ZSWIM4: variants seen among roughly 807,000 people sequenced by gnomAD.
ZSWIM4 encodes zinc finger SWIM domain-containing protein 4.
In ZSWIM4, 62 loss-of-function variants were observed where a neutral mutation model predicts 102.5. The ratio of observed to expected loss-of-function variants is 0.60; its 90% confidence interval spans 0.49 to 0.75. ZSWIM4 has a LOEUF of 0.75. Ranked by LOEUF, ZSWIM4 falls within the 30% of genes least tolerant of loss-of-function variation. The pLI is 0.00. For synonymous variants in ZSWIM4, 652 were observed against 674.5 expected, an observed-to-expected ratio of 0.97 and a Z score of 0.52; for missense variants, 1,280 against 1,529.6, an observed-to-expected ratio of 0.84 and a Z score of 2.72.
In ZSWIM4 at chr19:13,817,270, A is replaced by C. The variant is rs1599604198; in HGVS notation, c.1586A>C (p.His529Pro). The change falls in exon 8 of 14, where the codon CAC (histidine) becomes CCC (proline). Residue 529 changes from histidine (H) to proline (P), a missense_variant. His to Pro is a moderately conservative substitution (Grantham distance 77, BLOSUM62 -2). Coordinates refer to ENST00000590508, the MANE Select transcript of ZSWIM4 (RefSeq NM_001367834.3). Reference protein sequence around the residue: ...CITNTEGWVGHPLDPIGCLCR... With the variant: ...CITNTEGWVGPPLDPIGCLCR... ...ACCAACACCGAAGGATGGGTGGGGC[A>C]CCCCCTGGACCCCATTGGCTGCCTC... The C allele has an allele frequency of 1.9e-6, 3 of 1,613,686 alleles. No homozygotes were observed. The highest frequency in any genetic ancestry group is 2.5e-6 in the Non-Finnish European group (3 of 1,179,808).
At chr19:13,821,677 G>A (rs1405086516) in intron 10 of ZSWIM4, among the ~76,000 whole-genome samples, 1 of 152,058 alleles carries the variant, frequency 6.6e-6, no homozygotes, top group Non-Finnish European at 1.5e-5. Flanking sequence ...CTCCCACCAA[G>A]TAACTGGGAC....
In ZSWIM4 at chr19:13,830,894, C is replaced by T. The variant is rs1453053100; in HGVS notation, c.3165C>T (p.His1055=). 6.2e-7 allele frequency: 1 copy of T among 1,614,228 alleles called. No homozygotes were observed. Among genetic ancestry groups the T allele is most frequent in the South Asian group, 1.1e-5 (1 of 91,088 alleles). Residue 1055 remains histidine, a synonymous_variant, in exon 14 of 14, where the codon CAC becomes CAT. Transcript: ENST00000590508. ...HSRLTHISPR[H]YGDFIEFLGK... ...GCCTCACGCACATCAGCCCGCGGCA[C>T]TATGGGGATTTCATCGAATTCCTGG...
rs3745455 is a variant in ZSWIM4, at chr19:13,809,063, G to C, written c.862-7G>C. ...AGCCCTTCCTCACCACCCTGTCCCC[G>C]GCACAGGTGCGGGAGATGCTGCGAA... On this transcript the variant is annotated splice_polypyrimidine_tract_variant and splice_region_variant and intron_variant, in intron 4 of 13. Transcript: ENST00000590508. This position sits in a 1 kb window ranked among gnomAD's most constrained non-coding sequence, Gnocchi z 4.2. 1 of 1,611,394 alleles carries C rather than the reference G, an allele frequency of 6.2e-7. No homozygotes were observed. Among genetic ancestry groups the C allele is most frequent in the Non-Finnish European group, 8.5e-7 (1 of 1,178,186 alleles).
chr19:13,809,149 C>T lies in ZSWIM4; in HGVS notation c.941C>T (p.Thr314Met). Residue 314 changes from threonine to methionine, a missense_variant, in exon 5 of 14, where the codon ACG (threonine) becomes ATG (methionine). Physicochemically the swap from Thr to Met is moderately conservative, Grantham distance 81 (BLOSUM62 -1). Transcript: ENST00000590508. The surrounding 1 kb of genome is among the most constrained non-coding windows in gnomAD (Gnocchi z 4.2). ...ILMTEQFLQD[T>M]RLALWRQQGA... Reference sequence around the variant, plus strand: ...ATGACCGAGCAGTTCCTGCAGGACACGCGCCTGGCCCTGTGGCGGCAGCAG... The same window carrying T: ...ATGACCGAGCAGTTCCTGCAGGACATGCGCCTGGCCCTGTGGCGGCAGCAG... 3 of 1,613,666 alleles carry T rather than the reference C, an allele frequency of 1.9e-6. No homozygotes were observed. The highest frequency in any genetic ancestry group is 1.7e-5 in the Admixed American group (1 of 60,006).
Position 13,795,874 on chromosome 19 carries a change from A to T in ZSWIM4, c.153+73A>T, listed in dbSNP as rs888594120. ...TTCCCCACCTGTCTTCTCCTCCCCCACAATCCCCAGACTCCAGAGCTAACC... is the reference window on the plus strand; with the variant it reads ...TTCCCCACCTGTCTTCTCCTCCCCCTCAATCCCCAGACTCCAGAGCTAACC... On this transcript the variant is annotated intron_variant, in intron 1 of 13. Coordinates refer to ENST00000590508, the MANE Select transcript of ZSWIM4 (RefSeq NM_001367834.3). 22 of 880,844 alleles carry T rather than the reference A, an allele frequency of 2.5e-5. No individual in the cohort carries two copies. The African/African-American group carries it at 7.2e-4, about 29-fold the overall frequency. The allele number at this position is 880,844 out of a possible 1,614,324, so 54.6% of individuals were successfully genotyped here.
In ZSWIM4 at chr19:13,825,719, G is replaced by A. The variant is rs1468135426; in HGVS notation, c.2379+6G>A. ...CACTGGAGCTGGGGCTGCAGGTGAG[G>A]GCTGCCAGGTGGATGCGGGAGGGCG... On this transcript the variant is annotated splice_donor_region_variant and intron_variant, in intron 12 of 13. Coordinates refer to ENST00000590508, the MANE Select transcript of ZSWIM4 (RefSeq NM_001367834.3). This position sits in a 1 kb window ranked among gnomAD's most constrained non-coding sequence, Gnocchi z 4.6. 1.2e-6 allele frequency: 2 copies of A among 1,605,246 alleles called. No homozygotes were observed. Among genetic ancestry groups the A allele is most frequent in the Admixed American group, 1.7e-5 (1 of 59,840 alleles).
At chr19:13,803,961 A>C (rs1397253076) in intron 2 of ZSWIM4, among the ~76,000 whole-genome samples, 1 of 150,526 alleles carries the variant, frequency 6.6e-6, no homozygotes, top group African/African-American at 2.4e-5. Context: ...TCCCGGGTTC[A>C]AGCCATTCTC....
At chr19:13,805,884 T>C (rs1325531000) in intron 3 of ZSWIM4, among the ~76,000 whole-genome samples, 1 of 148,308 alleles carries the variant, frequency 6.7e-6, no homozygotes, top group Non-Finnish European at 1.5e-5. Flanking sequence ...GGTGGGAGAA[T>C]GGGTTGAACC....
At chr19:13,811,427 G>A (rs983968774) in intron 5 of ZSWIM4, among the ~76,000 whole-genome samples, 1 of 152,052 alleles carries the variant, frequency 6.6e-6, no homozygotes. Context: ...CACTTTGCGG[G>A]GCTGAGGTAG....
intron 5 of ZSWIM4, among the ~76,000 whole-genome samples, chr19:13,810,521 G>T (rs1020211904): frequency 6.6e-6 from 1 of 151,888 alleles, no homozygotes; most frequent in Non-Finnish European, 1.5e-5. Context: ...TCGAACTCCT[G>T]TCTTCGTGAT....
Position 13,831,749 on chromosome 19 carries a change from C to G in ZSWIM4, c.*699C>G, listed in dbSNP as rs1975773358. ...GCGAGGCTCACACTGCCCCTTCCAA[C>G]CTGGGGTTGGGGGACACAGACGCGA... On this transcript the variant is annotated 3_prime_UTR_variant, in exon 14 of 14. Coordinates refer to ENST00000590508, the MANE Select transcript of ZSWIM4 (RefSeq NM_001367834.3). 1 of 152,598 alleles carries G rather than the reference C, an allele frequency of 6.6e-6. No individual in the cohort carries two copies. The highest frequency in any genetic ancestry group is 1.5e-5 in the Non-Finnish European group (1 of 68,048). 9.5% of individuals were successfully genotyped at this position (152,598 alleles called of 1,614,324 possible).
intron 1 of ZSWIM4, among the ~76,000 whole-genome samples, chr19:13,796,294 GC>G (rs1341057297): frequency 6.6e-6 from 1 of 151,102 alleles, no homozygotes; most frequent in East Asian, 2.0e-4. Flanking sequence ...CCTCTCTTCG[GC>G]CCCCCGCTTG....
Position 13,832,127 on chromosome 19 carries a change from T to G in ZSWIM4, c.*1077T>G, listed in dbSNP as rs1224072707. ...AACGGTGTATTACATGTCCTTTTCC[T>G]TTTTTTTTTTCAAAGATTGAACAGA... On this transcript the variant is annotated 3_prime_UTR_variant, in exon 14 of 14. Transcript: ENST00000590508. 1 of 139,918 alleles carries G rather than the reference T, an allele frequency of 7.1e-6. No homozygotes were observed. Among genetic ancestry groups the G allele is most frequent in the Non-Finnish European group, 1.6e-5 (1 of 64,096 alleles). 8.7% of individuals were successfully genotyped at this position (139,918 alleles called of 1,614,324 possible).
chr19:13,804,526 A>G (rs1427225186), intron 2 of ZSWIM4, among the ~76,000 whole-genome samples: 1 of 152,018 alleles, frequency 6.6e-6, no homozygotes, highest in Non-Finnish European at 1.5e-5. Context: ...GTGTGCCTGT[A>G]ATCCCAGTTA....
intron 1 of ZSWIM4, among the ~76,000 whole-genome samples, chr19:13,796,391 G>C (rs1974613628): frequency 6.6e-6 from 1 of 151,944 alleles, no homozygotes; most frequent in African/African-American, 2.4e-5. Context: ...TACACCCCAA[G>C]TAAATAACTC....
rs756828111 is a variant in ZSWIM4 at position 13,804,784 on chromosome 19, G to T, written c.356-8G>T. ...GACACGGATGCGACAGTTTGGCTTTGATCCTAGGATTCCACCTGAGCGGAA... is the reference window on the plus strand; with the variant it reads ...GACACGGATGCGACAGTTTGGCTTTTATCCTAGGATTCCACCTGAGCGGAA... On this transcript the variant is annotated splice_polypyrimidine_tract_variant and splice_region_variant and intron_variant, in intron 2 of 13. Coordinates refer to ENST00000590508, the MANE Select transcript of ZSWIM4 (RefSeq NM_001367834.3). The T allele has an allele frequency of 1.9e-6, 3 of 1,565,408 alleles. No homozygotes were observed. The South Asian group carries it at 3.6e-5, about 19-fold the overall frequency.
intron 10 of ZSWIM4, among the ~76,000 whole-genome samples, chr19:13,820,346 C>G (rs1021622618): frequency 6.6e-6 from 1 of 152,112 alleles, no homozygotes; most frequent in South Asian, 2.1e-4. Flanking sequence ...AGCGATCCTC[C>G]CATCTCAGCC....
At chr19:13,808,723 G>A (rs1974983706) in intron 3 of ZSWIM4, 113 bp from the exon 4 acceptor site, 2 of 1,171,254 alleles carry the variant, frequency 1.7e-6, no homozygotes, top group African/African-American at 1.7e-5. Flanking sequence ...TGGGCAAGAA[G>A]AGCCAAACTC....
chr19:13,817,938 T>C lies in ZSWIM4; in HGVS notation c.1886T>C (p.Val629Ala). The change falls in exon 9 of 14, where the codon GTG (valine) becomes GCG (alanine). Residue 629 changes from valine to alanine, a missense_variant. Coordinates refer to ENST00000590508, the MANE Select transcript of ZSWIM4 (RefSeq NM_001367834.3). The part of the protein sequence containing the change: ...LEEVELDERL[V>A]QVLRKQAGLL... Reference sequence around the variant, plus strand: ...GAGGTGGAGTTGGATGAGCGGTTGGTGCAGGTGCTGCGCAAGCAGGCGGGG... The same window carrying C: ...GAGGTGGAGTTGGATGAGCGGTTGGCGCAGGTGCTGCGCAAGCAGGCGGGG... 1 of 1,536,772 alleles carries C rather than the reference T, an allele frequency of 6.5e-7. No homozygotes were observed. The highest frequency in any genetic ancestry group is 8.8e-7 in the Non-Finnish European group (1 of 1,139,718).
Sources: gnomAD v4.1 joint callset for allele counts (sites outside exome capture counted in the v4.1 genomes callset) on GRCh38, gnomAD v4.1.1 for gene constraint, Gnocchi (gnomAD v3.1) non-coding constraint, MANE v1.5 for transcripts, NCBI Gene and HGNC (gene_info 2026-07-23, HGNC 2026-07-21) for gene names.